UNC5D: variants seen among roughly 807,000 people sequenced by gnomAD.
UNC5D encodes the protein unc-5 netrin receptor D, also known as netrin receptor UNC5D.
UNC5D carries 39 observed loss-of-function variants against 105.4 expected under a neutral mutation model. The observed-to-expected ratio is 0.37, with a 90% CI of 0.29 to 0.48. UNC5D has a LOEUF of 0.48. UNC5D is among the 20% of genes least tolerant of loss of function. The pLI is 0.98. For missense variants in UNC5D, 991 were observed against 1,202.4 expected, an observed-to-expected ratio of 0.82 and a Z score of 2.60; for synonymous variants, 452 against 450.4, an observed-to-expected ratio of 1.00 and a Z score of -0.04.
At chr8:35,522,372 G>T (rs1306401995) in intron 1 of UNC5D, among the ~76,000 whole-genome samples, 1 of 152,104 alleles carries the variant, frequency 6.6e-6, no homozygotes, top group Non-Finnish European at 1.5e-5. Context: ...TTCCCTCAAA[G>T]ATAAATGTTT....
chr8:35,283,060 A>G (rs1806310191), intron 1 of UNC5D, among the ~76,000 whole-genome samples: 2 of 152,136 alleles, frequency 1.3e-5, no homozygotes, highest in Admixed American at 1.3e-4. Flanking sequence ...AACATTATTT[A>G]TTTGGTAATT....
chr8:35,248,739 T>C (rs921149795), intron 1 of UNC5D, among the ~76,000 whole-genome samples: 14 of 98,228 alleles, frequency 1.4e-4, no homozygotes, highest in Admixed American at 3.2e-4. Flanking sequence ...ATATATAATA[T>C]ATATAAAATA....
At chr8:35,699,690 T>C (rs1199288966) in intron 7 of UNC5D, among the ~76,000 whole-genome samples, 1 of 152,138 alleles carries the variant, frequency 6.6e-6, no homozygotes, top group East Asian at 1.9e-4. Flanking sequence ...AAAGGGGTAA[T>C]AGATCTTGTG....
intron 4 of UNC5D, among the ~76,000 whole-genome samples, chr8:35,657,080 GTATA>G (rs3077002): frequency 0.059 from 2,693 of 45,694 alleles, 57 homozygotes; most frequent in Non-Finnish European, 0.073. Flanking sequence ...GTGTGTGTGT[GTATA>G]TATATATATA....
At chr8:35,410,796 G>C (rs537039565) in intron 1 of UNC5D, among the ~76,000 whole-genome samples, 2 of 151,994 alleles carry the variant, frequency 1.3e-5, no homozygotes, top group Non-Finnish European at 2.9e-5. Flanking sequence ...ATGTGGAAGC[G>C]TGGAGCCCCC....
chr8:35,333,859 A>T (rs2128895658), intron 1 of UNC5D, among the ~76,000 whole-genome samples: 1 of 152,320 alleles, frequency 6.6e-6, no homozygotes, highest in Non-Finnish European at 1.5e-5. Flanking sequence ...ACAGTATTTT[A>T]AGATGTTAAT....
intron 4 of UNC5D, among the ~76,000 whole-genome samples, chr8:35,630,923 A>G (rs1822000096): frequency 6.6e-6 from 1 of 152,226 alleles, no homozygotes; most frequent in African/African-American, 2.4e-5. Flanking sequence ...CACAGTGATC[A>G]TCATTTGGGA....
intron 1 of UNC5D, among the ~76,000 whole-genome samples, chr8:35,264,826 G>A (rs1804745109): frequency 2.6e-5 from 4 of 152,080 alleles, no homozygotes; most frequent in Admixed American, 2.6e-4. Flanking sequence ...GCTATTGGCA[G>A]GGCCATCCTG....
At chr8:35,472,736 AC>A (rs1301627563) in intron 1 of UNC5D, among the ~76,000 whole-genome samples, 1 of 152,212 alleles carries the variant, frequency 6.6e-6, no homozygotes, top group Non-Finnish European at 1.5e-5. Flanking sequence ...AAAGTGAGTT[AC>A]TTAAAACCAT....
intron 1 of UNC5D, among the ~76,000 whole-genome samples, chr8:35,242,763 G>T (rs867643398): frequency 6.6e-6 from 1 of 152,092 alleles, no homozygotes; most frequent in Non-Finnish European, 1.5e-5. Context: ...ATGAGCCACC[G>T]TGCCTGGCCA....
chr8:35,566,310 T>C (rs1219789435), intron 2 of UNC5D, among the ~76,000 whole-genome samples: 1 of 152,192 alleles, frequency 6.6e-6, no homozygotes, highest in Non-Finnish European at 1.5e-5. Context: ...CCAGCCTGAC[T>C]AATCCTACAC....
intron 1 of UNC5D, among the ~76,000 whole-genome samples, chr8:35,534,037 G>A (rs561020253): frequency 8.7e-4 from 133 of 152,284 alleles, no homozygotes; most frequent in Admixed American, 3.7e-3. Context: ...ACTGTAGACC[G>A]GAGCTGTTCC....
intron 1 of UNC5D, among the ~76,000 whole-genome samples, chr8:35,317,994 T>C (rs1472255885): frequency 6.6e-6 from 1 of 152,038 alleles, no homozygotes; most frequent in Admixed American, 6.6e-5. Context: ...GATGGATAAT[T>C]CACTCCCACC....
chr8:35,257,392 T>C (rs1804160044), intron 1 of UNC5D, among the ~76,000 whole-genome samples: 1 of 152,302 alleles, frequency 6.6e-6, no homozygotes. Flanking sequence ...AGTCTGGCTC[T>C]CTGGGGCACT....
At chr8:35,481,746 T>A (rs1261332751) in intron 1 of UNC5D, among the ~76,000 whole-genome samples, 1 of 152,228 alleles carries the variant, frequency 6.6e-6, no homozygotes, top group Non-Finnish European at 1.5e-5. Flanking sequence ...CTTGTTAGTA[T>A]CCACATGCAT....
At chr8:35,492,860 A>T (rs1231945214) in intron 1 of UNC5D, among the ~76,000 whole-genome samples, 2 of 152,170 alleles carry the variant, frequency 1.3e-5, no homozygotes, top group Non-Finnish European at 2.9e-5. Context: ...CTGCAAACAA[A>T]GATTGTCTTA....
At chr8:35,474,182 G>A (rs1809927011) in intron 1 of UNC5D, among the ~76,000 whole-genome samples, 1 of 152,220 alleles carries the variant, frequency 6.6e-6, no homozygotes, top group Non-Finnish European at 1.5e-5. Context: ...TCCATGCAAT[G>A]TGTTCATTAG....
chr8:35,637,836 T>G (rs1054146970), intron 4 of UNC5D, among the ~76,000 whole-genome samples: 4 of 152,178 alleles, frequency 2.6e-5, no homozygotes, highest in African/African-American at 9.7e-5. Context: ...ACACTCAGTC[T>G]CTGATATTAT....
At chr8:35,752,238 T>TGTGTAAGCTCTGCCC (rs1220888406) in intron 13 of UNC5D, among the ~76,000 whole-genome samples, 2 of 152,200 alleles carry the variant, frequency 1.3e-5, no homozygotes, top group Non-Finnish European at 2.9e-5. Context: ...CAGAACTGCC[T>TGTGTAAGCTCTGCCC]GTGTAAGCTC....
Sources: allele counts gnomAD v4.1 joint callset (sites outside exome capture counted in the v4.1 genomes callset), GRCh38; gene constraint gnomAD v4.1.1; transcripts MANE v1.5; gene names NCBI Gene and HGNC (gene_info 2026-07-23, HGNC 2026-07-21).